Variants in DGKG observed in about 807,000 individuals in gnomAD.
DGKG encodes the protein diacylglycerol kinase gamma.
Under a neutral mutation model 105.3 loss-of-function variants are expected in DGKG, and 78 were observed. The observed-to-expected ratio is 0.74, with a 90% confidence interval of 0.62 to 0.89. The LOEUF (loss-of-function observed/expected upper bound fraction) is 0.89, where lower values mean the gene tolerates loss of function less well. DGKG is among the 40% of genes least tolerant of loss of function. DGKG has a pLI of 0.00. For missense variants in DGKG, 958 were observed against 1,020.1 expected (o/e 0.94, Z 0.83); for synonymous variants, 346 against 367.1 (o/e 0.94, Z 0.66).
intron 21 of DGKG, among the ~76,000 whole-genome samples, chr3:186,189,625 C>G (rs1041842922): frequency 2.5e-4 from 38 of 152,162 alleles, no homozygotes; most frequent in South Asian, 8.3e-4. Flanking sequence ...AGGTTACGTA[C>G]AAACCCAAAC....
At chr3:186,266,450 C>T (rs1200672244) in intron 13 of DGKG, among the ~76,000 whole-genome samples, 1 of 152,160 alleles carries the variant, frequency 6.6e-6, no homozygotes, top group Non-Finnish European at 1.5e-5. Flanking sequence ...CTGCTATGAG[C>T]ATTCTTGTGC....
intron 20 of DGKG, among the ~76,000 whole-genome samples, chr3:186,221,624 A>G (rs1392408133): frequency 6.6e-6 from 1 of 152,252 alleles, no homozygotes; most frequent in Non-Finnish European, 1.5e-5. Context: ...GCATTTACAC[A>G]TCCATCAGCC....
intron 1 of DGKG, among the ~76,000 whole-genome samples, chr3:186,342,150 A>G (rs1480324362): frequency 6.6e-6 from 1 of 152,158 alleles, no homozygotes; most frequent in African/African-American, 2.4e-5. Context: ...CATGTACCCT[A>G]AAACTTAAAG....
At chr3:186,201,157 CTT>C (rs571499704) in intron 21 of DGKG, among the ~76,000 whole-genome samples, 8 of 145,410 alleles carry the variant, frequency 5.5e-5, no homozygotes, top group Admixed American at 6.9e-5. Flanking sequence ...CTCTTTCTTT[CTT>C]TTTTTTTTTT....
At position 186,307,895 on chromosome 3, in the gene DGKG, T is replaced by TTA. The variant is rs200593916; in HGVS notation, c.68-919_68-918insTA. Among the ~76,000 whole-genome samples the TTA allele has an allele frequency of 7.9e-5, 12 of 151,422 alleles. 1 individual carries two copies. The highest frequency in any genetic ancestry group is 6.6e-4 in the Admixed American group (10 of 15,220). On this transcript the variant is annotated intron_variant, in intron 2 of 24. Coordinates refer to ENST00000265022, the MANE Select transcript of DGKG (RefSeq NM_001346.3). ...CAACTCTGTCCCTTTTTTTTTTTTTTACCTGATTTTTATTTTTTATCTTGA... is the reference window on the plus strand; with the variant it reads ...CAACTCTGTCCCTTTTTTTTTTTTTTTAACCTGATTTTTATTTTTTATCTTGA...
chr3:186,307,212 A>G (rs1457628590), intron 2 of DGKG, among the ~76,000 whole-genome samples: 1 of 152,038 alleles, frequency 6.6e-6, no homozygotes, highest in Admixed American at 6.5e-5. Context: ...TCATATCCCT[A>G]CTCAAAACCA....
In DGKG at chr3:186,197,914, C is replaced by A. The variant is rs548647229; in HGVS notation, c.1918-9535G>T. Among the ~76,000 whole-genome samples the A allele has an allele frequency of 7.2e-5, 11 of 152,270 alleles. No individual in the cohort carries two copies. In the South Asian group the frequency reaches 2.3e-3, roughly 32 times the overall value. On this transcript the variant is annotated intron_variant, in intron 21 of 24. Transcript: ENST00000265022. ...ATGCTCTTGCTAGAAATGAATCTTC[C>A]CCTTCTCTGAATTTTCACTGCCTTG...
intron 4 of DGKG, among the ~76,000 whole-genome samples, 174 bp from the exon 5 acceptor site, chr3:186,297,657 T>C (rs928744362): frequency 6.6e-6 from 1 of 152,170 alleles, no homozygotes; most frequent in Non-Finnish European, 1.5e-5. Context: ...TCCCCCATTA[T>C]AGCCCAAGCT....
chr3:186,275,138 C>G (rs1023635064), intron 10 of DGKG, among the ~76,000 whole-genome samples: 4 of 152,190 alleles, frequency 2.6e-5, no homozygotes, highest in Admixed American at 2.6e-4. Context: ...TTCTGCCTCC[C>G]AAAGTGCTGG....
At chr3:186,309,307 A>G (rs372813334) in intron 2 of DGKG, among the ~76,000 whole-genome samples, 27 of 152,336 alleles carry the variant, frequency 1.8e-4, no homozygotes, top group African/African-American at 6.3e-4. Flanking sequence ...AGAGATGGGC[A>G]CCATAAAACG....
intron 20 of DGKG, among the ~76,000 whole-genome samples, chr3:186,215,672 G>T (rs73180318): frequency 6.6e-6 from 1 of 151,906 alleles, no homozygotes; most frequent in Non-Finnish European, 1.5e-5. Flanking sequence ...AGAGAAGAGT[G>T]GGGGAGACTC....
At position 186,192,852 on chromosome 3, in the gene DGKG, G is replaced by A. The variant is rs529004141; in HGVS notation, c.1918-4473C>T. 9.9e-5 allele frequency among the ~76,000 whole-genome samples: 15 copies of A among 152,186 alleles called. No homozygotes were observed. The South Asian group carries it at 2.1e-3, about 21-fold the overall frequency. On this transcript the variant is annotated intron_variant, in intron 21 of 24. Coordinates refer to ENST00000265022, the MANE Select transcript of DGKG (RefSeq NM_001346.3). The stretch of plus-strand genomic sequence containing the variant: ...ATTAATATTATTATATCTTGCCTCC[G>A]CACCAGGTTTGTTTTTTAAAAAAGT...
Position 186,306,074 on chromosome 3 carries a change from G to C in DGKG, c.144+827C>G, listed in dbSNP as rs1235775319. Among the ~76,000 whole-genome samples the C allele has an allele frequency of 3.3e-5, 5 of 152,198 alleles. No individual in the cohort carries two copies. The East Asian group carries it at 9.6e-4, about 29-fold the overall frequency. ...GTGTCCAGTGTTGTTGAGCAAAATT[G>C]CTATTGGATTTAGCCATAGGGAGGC... On this transcript the variant is annotated intron_variant, in intron 3 of 24. Coordinates refer to ENST00000265022, the MANE Select transcript of DGKG (RefSeq NM_001346.3).
intron 20 of DGKG, among the ~76,000 whole-genome samples, chr3:186,235,159 A>AGT (rs1047730445): frequency 5.9e-5 from 9 of 152,228 alleles, no homozygotes; most frequent in Non-Finnish European, 8.8e-5. Context: ...CAAGTAATTA[A>AGT]GTCAGTTGCT....
rs755919167 is a variant in DGKG, at chr3:186,284,722, C to T, written c.545-13G>A. ...AGGCGAAACATGACTGTAAGAAACA[C>T]AGAGGTAAGCCTTGAGGTGTCCTCT... On this transcript the variant is annotated splice_polypyrimidine_tract_variant and intron_variant, in intron 6 of 24. Coordinates refer to ENST00000265022, the MANE Select transcript of DGKG (RefSeq NM_001346.3). This position sits in a 1 kb window ranked among gnomAD's most constrained non-coding sequence, Gnocchi z 4.0. 6 of 1,613,570 alleles carry T rather than the reference C, an allele frequency of 3.7e-6. No individual in the cohort carries two copies. The highest frequency in any genetic ancestry group is 5.1e-6 in the Non-Finnish European group (6 of 1,179,514).
chr3:186,320,260 T>TAAGGA, intron 2 of DGKG, 133 bp downstream of exon 2: 2 of 1,032,012 alleles, frequency 1.9e-6, no homozygotes, highest in Non-Finnish European at 1.4e-6. Flanking sequence ...TCTGTGTTTA[T>TAAGGA]AAGGAAATAT....
At chr3:186,174,196 G>A (rs1212921169) in intron 22 of DGKG, among the ~76,000 whole-genome samples, 1 of 152,160 alleles carries the variant, frequency 6.6e-6, no homozygotes, top group Non-Finnish European at 1.5e-5. Flanking sequence ...GGGTTGTCTC[G>A]AAGTTTAGAA....
intron 1 of DGKG, among the ~76,000 whole-genome samples, chr3:186,330,322 A>G (rs993588801): frequency 2.6e-5 from 4 of 152,236 alleles, no homozygotes; most frequent in African/African-American, 9.6e-5. Flanking sequence ...TGTAAGTTAC[A>G]TAAGTTGCTT....
intron 19 of DGKG, among the ~76,000 whole-genome samples, chr3:186,246,884 T>C (rs571227703): frequency 2.0e-5 from 3 of 152,282 alleles, no homozygotes; most frequent in African/African-American, 7.2e-5. Flanking sequence ...GCATCAGAAA[T>C]AGATTTCACT....
Sources: gnomAD v4.1 joint callset for allele counts (sites outside exome capture counted in the v4.1 genomes callset) on GRCh38, gnomAD v4.1.1 for gene constraint, Gnocchi (gnomAD v3.1) non-coding constraint, MANE v1.5 for transcripts, NCBI Gene and HGNC (gene_info 2026-07-23, HGNC 2026-07-21) for gene names.